Variants in HYCC1 observed in about 807,000 individuals in gnomAD.
The protein encoded by HYCC1 is hyccin PI4KA lipid kinase complex subunit 1.
chr7:22,956,965 T>C, the HYCC1 span, among the ~76,000 whole-genome samples: 5 of 151,878 alleles, frequency 3.3e-5, no homozygotes, highest in African/African-American at 7.2e-5. Context: ...TTAAAATATG[T>C]TGTGAATAAT....
the HYCC1 span, chr7:22,941,101 C>T: frequency 6.6e-6 from 1 of 152,120 alleles, no homozygotes; most frequent in African/African-American, 2.4e-5. Context: ...ATGTAAAGCA[C>T]AAAGCCAGGA....
chr7:22,962,523 C>A, the HYCC1 span, among the ~76,000 whole-genome samples: 2 of 150,208 alleles, frequency 1.3e-5, no homozygotes, highest in Admixed American at 1.3e-4. Context: ...GAAAGAGCAG[C>A]AATCCCTTTC....
chr7:22,983,673 C>T, the HYCC1 span: 1 of 404,880 alleles, frequency 2.5e-6, no homozygotes, highest in Non-Finnish European at 4.5e-6. Flanking sequence ...CACTCAAATA[C>T]TTGCTGAATG....
At chr7:22,897,454 A>C in the HYCC1 span, among the ~76,000 whole-genome samples, 1 of 152,214 alleles carries the variant, frequency 6.6e-6, no homozygotes, top group Non-Finnish European at 1.5e-5. Context: ...AAGACCAGAA[A>C]GGAGGTTATA....
At chr7:22,976,755 A>G in the HYCC1 span, 1 of 1,613,814 alleles carries the variant, frequency 6.2e-7, no homozygotes, top group Non-Finnish European at 8.5e-7. Context: ...CTTTTGACAA[A>G]CCATGCTGGG....
At chr7:22,926,883 C>A in the HYCC1 span, among the ~76,000 whole-genome samples, 1 of 151,548 alleles carries the variant, frequency 6.6e-6, no homozygotes, top group Non-Finnish European at 1.5e-5. Context: ...AATATACATT[C>A]TTTTCAGCAC....
chr7:22,919,333 A>T, the HYCC1 span, among the ~76,000 whole-genome samples: 1 of 152,252 alleles, frequency 6.6e-6, no homozygotes, highest in East Asian at 1.9e-4. Flanking sequence ...GTTTGAGACC[A>T]GCCTGGCCAA....
chr7:22,999,507 T>C, the HYCC1 span, among the ~76,000 whole-genome samples: 455 of 152,332 alleles, frequency 3.0e-3, 2 homozygotes, highest in African/African-American at 9.9e-3. Flanking sequence ...AATTGCATAT[T>C]AAATAACATG....
chr7:22,961,509 T>C, the HYCC1 span, among the ~76,000 whole-genome samples: 1 of 152,218 alleles, frequency 6.6e-6, no homozygotes, highest in Admixed American at 6.5e-5. Context: ...TGCCTATTAA[T>C]AGCAAAGAAA....
the HYCC1 span, among the ~76,000 whole-genome samples, chr7:22,926,132 T>C: frequency 2.6e-5 from 4 of 152,110 alleles, no homozygotes; most frequent in Non-Finnish European, 5.9e-5. Context: ...AAGCAAATGC[T>C]GAGAGATTTT....
the HYCC1 span, among the ~76,000 whole-genome samples, chr7:22,902,249 T>C: frequency 6.6e-6 from 1 of 151,834 alleles, no homozygotes; most frequent in East Asian, 1.9e-4. Context: ...ATAGAACACA[T>C]AAAAATATAT....
chr7:22,992,467 A>G, the HYCC1 span, among the ~76,000 whole-genome samples: 31 of 152,260 alleles, frequency 2.0e-4, no homozygotes, highest in East Asian at 5.2e-3. Flanking sequence ...TATGTCCAAA[A>G]TGTTACCAAA....
At chr7:22,952,469 G>T in the HYCC1 span, among the ~76,000 whole-genome samples, 2 of 151,908 alleles carry the variant, frequency 1.3e-5, no homozygotes, top group African/African-American at 4.8e-5. Context: ...TTAGTACGTT[G>T]AAGTGTTAGA....
At chr7:22,968,177 C>T in the HYCC1 span, among the ~76,000 whole-genome samples, 1 of 152,200 alleles carries the variant, frequency 6.6e-6, no homozygotes, top group Non-Finnish European at 1.5e-5. Context: ...TCTAGCTTTC[C>T]TTGCATTTAG....
At chr7:22,933,812 T>C in the HYCC1 span, among the ~76,000 whole-genome samples, 5 of 152,224 alleles carry the variant, frequency 3.3e-5, no homozygotes, top group Admixed American at 3.3e-4. Flanking sequence ...AACTGGGTCA[T>C]CTGTGGATGT....
At chr7:22,901,187 C>T in the HYCC1 span, among the ~76,000 whole-genome samples, 1 of 114,340 alleles carries the variant, frequency 8.7e-6, no homozygotes, top group East Asian at 2.8e-4. Flanking sequence ...CACCACTGCA[C>T]TACAGCCTGG....
At chr7:23,008,344 G>C in the HYCC1 span, among the ~76,000 whole-genome samples, 1 of 151,842 alleles carries the variant, frequency 6.6e-6, no homozygotes, top group East Asian at 1.9e-4. Context: ...TGAAAAATGG[G>C]CAGAACCCAC....
the HYCC1 span, among the ~76,000 whole-genome samples, chr7:22,995,886 C>T: frequency 6.6e-6 from 1 of 152,178 alleles, no homozygotes; most frequent in Admixed American, 6.5e-5. Flanking sequence ...TCTAAGCTAA[C>T]ATCAACACGA....
chr7:22,946,130 A>G, the HYCC1 span: 2 of 1,613,152 alleles, frequency 1.2e-6, no homozygotes, highest in Non-Finnish European at 8.5e-7. Flanking sequence ...AGATATCTCC[A>G]TCAGTTCTTC....
Sources: gnomAD v4.1 joint callset for allele counts (sites outside exome capture counted in the v4.1 genomes callset) on GRCh38, gnomAD v4.1.1 for gene constraint, MANE v1.5 for transcripts, NCBI Gene and HGNC (gene_info 2026-07-23, HGNC 2026-07-21) for gene names.